TBC1D5: variants seen among roughly 807,000 people sequenced by gnomAD.
TBC1D5 encodes the protein TBC1 domain family member 5.
In TBC1D5, 75 loss-of-function variants were observed where a neutral mutation model predicts 100.3. The observed-to-expected ratio is 0.75, with a 90% CI of 0.62 to 0.91. The LOEUF (loss-of-function observed/expected upper bound fraction) is 0.91, where lower values mean the gene tolerates loss of function less well. TBC1D5 is among the 40% of genes least tolerant of loss of function. The pLI is 0.00. For synonymous variants in TBC1D5, 323 were observed against 325.6 expected (o/e 0.99, Z 0.09); for missense variants, 910 against 942.4 (o/e 0.97, Z 0.45).
chr3:17,317,348 G>A (rs2084820097), intron 13 of TBC1D5, among the ~76,000 whole-genome samples: 1 of 152,156 alleles, frequency 6.6e-6, no homozygotes, highest in Non-Finnish European at 1.5e-5. Flanking sequence ...AGAAGGCAGG[G>A]AGAGACAGGG....
chr3:17,473,096 A>G (rs2095398592), intron 3 of TBC1D5, among the ~76,000 whole-genome samples: 1 of 152,194 alleles, frequency 6.6e-6, no homozygotes, highest in Non-Finnish European at 1.5e-5. Context: ...CAACTAACAC[A>G]TTGGTTTTCA....
chr3:17,654,687 G>A (rs1245613347), intron 1 of TBC1D5, among the ~76,000 whole-genome samples: 1 of 152,116 alleles, frequency 6.6e-6, no homozygotes, highest in Non-Finnish European at 1.5e-5. Flanking sequence ...AATGAGTTAG[G>A]GAGGATTCCC....
At chr3:17,521,470 G>T (rs1055150376) in intron 2 of TBC1D5, among the ~76,000 whole-genome samples, 1 of 152,128 alleles carries the variant, frequency 6.6e-6, no homozygotes, top group African/African-American at 2.4e-5. Context: ...CAAAATATGT[G>T]TTAATCAACT....
At chr3:17,550,003 C>A (rs1229758573) in intron 2 of TBC1D5, among the ~76,000 whole-genome samples, 1 of 151,434 alleles carries the variant, frequency 6.6e-6, no homozygotes, top group East Asian at 1.9e-4. Flanking sequence ...TATCCTTTTG[C>A]AAAGTGGATT....
chr3:17,698,043 T>C (rs62245769), intron 1 of TBC1D5, among the ~76,000 whole-genome samples: 138 of 151,278 alleles, frequency 9.1e-4, no homozygotes, highest in Non-Finnish European at 1.3e-3. Context: ...AAAAAACTAC[T>C]TTCAAGTTCA....
chr3:17,657,189 T>A (rs1003778210), intron 1 of TBC1D5, among the ~76,000 whole-genome samples: 1 of 151,962 alleles, frequency 6.6e-6, no homozygotes, highest in Non-Finnish European at 1.5e-5. Flanking sequence ...CCTGCGTATA[T>A]CTCTATATAC....
chr3:17,500,906 A>G (rs1474668020), intron 3 of TBC1D5, among the ~76,000 whole-genome samples: 4 of 149,314 alleles, frequency 2.7e-5, no homozygotes, highest in African/African-American at 7.6e-5. Context: ...GAAGTCTCTC[A>G]TATCCAACTT....
chr3:17,715,853 T>C (rs2075185951), intron 1 of TBC1D5, among the ~76,000 whole-genome samples: 1 of 151,848 alleles, frequency 6.6e-6, no homozygotes, highest in Admixed American at 6.6e-5. Context: ...GGTCAAGAGT[T>C]TGAGACCAGC....
At chr3:17,649,047 A>G (rs1306283925) in intron 1 of TBC1D5, among the ~76,000 whole-genome samples, 1 of 152,220 alleles carries the variant, frequency 6.6e-6, no homozygotes, top group Admixed American at 6.5e-5. Flanking sequence ...CTGCAGCACT[A>G]TTCACAATAG....
At chr3:17,169,749 A>T (rs2066986009) in intron 19 of TBC1D5, among the ~76,000 whole-genome samples, 1 of 152,250 alleles carries the variant, frequency 6.6e-6, no homozygotes, top group Admixed American at 6.5e-5. Context: ...AACTGCAGAA[A>T]ATTCACAAGA....
At chr3:17,281,364 T>A (rs1285393063) in intron 15 of TBC1D5, among the ~76,000 whole-genome samples, 1 of 152,196 alleles carries the variant, frequency 6.6e-6, no homozygotes, top group African/African-American at 2.4e-5. Context: ...TTCCAAATCA[T>A]ATTAAGACAC....
At chr3:17,586,369 A>C (rs922046512) in intron 2 of TBC1D5, 2 of 152,128 alleles carry the variant, frequency 1.3e-5, no homozygotes, top group Non-Finnish European at 2.9e-5. Context: ...GGAGAACTTT[A>C]CTGGTCCACA....
chr3:17,708,784 T>C (rs189925146), intron 1 of TBC1D5, among the ~76,000 whole-genome samples: 31 of 152,346 alleles, frequency 2.0e-4, no homozygotes, highest in African/African-American at 7.5e-4. Flanking sequence ...CTCTATCAAC[T>C]TAAACTCCCA....
rs568161103 is a variant in TBC1D5, at chr3:17,183,763, C to T, written c.1852+1346G>A. Among the ~76,000 whole-genome samples the T allele has an allele frequency of 3.9e-5, 6 of 152,280 alleles. No homozygotes were observed. In the East Asian group the frequency reaches 9.7e-4, roughly 24 times the overall value. ...ATTTATTATTTTACTGAGGCCAGTA[C>T]GGTTTAGGCTATATCCAAATGACAG... On this transcript the variant is annotated intron_variant, in intron 19 of 21. Coordinates refer to ENST00000253692, the Ensembl canonical transcript of TBC1D5.
At chr3:17,247,390 T>G (rs1217784951) in intron 16 of TBC1D5, among the ~76,000 whole-genome samples, 1 of 152,190 alleles carries the variant, frequency 6.6e-6, no homozygotes, top group Non-Finnish European at 1.5e-5. Flanking sequence ...TACATTATAC[T>G]GCAGTCTATT....
chr3:17,221,964 T>C lies in TBC1D5; in HGVS notation c.1589-7594A>G, dbSNP rs528303354. 2.0e-5 allele frequency among the ~76,000 whole-genome samples: 3 copies of C among 152,360 alleles called. No individual in the cohort carries two copies. In the South Asian group the frequency reaches 6.2e-4, roughly 32 times the overall value. On this transcript the variant is annotated intron_variant, in intron 17 of 21. Coordinates refer to ENST00000253692, the Ensembl canonical transcript of TBC1D5. ...AGCAACTTATCCTTCTTCTGTATCT[T>C]CAGTTCTTTCATAATTCTTATTTTG...
At chr3:17,604,378 T>C (rs918731801) in intron 2 of TBC1D5, among the ~76,000 whole-genome samples, 9 of 152,344 alleles carry the variant, frequency 5.9e-5, no homozygotes, top group Non-Finnish European at 1.2e-4. Context: ...CCAGTCCTTC[T>C]AGCTCTTATA....
chr3:17,725,389 AT>A (rs75092516), intron 1 of TBC1D5, among the ~76,000 whole-genome samples: 2,153 of 143,246 alleles, frequency 0.015, 12 homozygotes, highest in African/African-American at 0.028. Context: ...GCGAAGAAGT[AT>A]TTTTTTTTTT....
chr3:17,633,650 G>T (rs950526460), intron 1 of TBC1D5, among the ~76,000 whole-genome samples: 6 of 152,080 alleles, frequency 3.9e-5, no homozygotes, highest in Non-Finnish European at 7.4e-5. Flanking sequence ...TCGGCATTTT[G>T]TTATGCTTAA....
Sources: gnomAD v4.1 joint callset for allele counts (sites outside exome capture counted in the v4.1 genomes callset) on GRCh38, gnomAD v4.1.1 for gene constraint, MANE v1.5 for transcripts, NCBI Gene and HGNC (gene_info 2026-07-23, HGNC 2026-07-21) for gene names.